The following RIMS1 variants were observed in gnomAD, a reference collection of about 807,000 sequenced individuals.
RIMS1 encodes the protein regulating synaptic membrane exocytosis 1.
Under a neutral mutation model 214.1 loss-of-function variants are expected in RIMS1, and 83 were observed. The observed-to-expected ratio is 0.39, with a 90% CI of 0.32 to 0.47. RIMS1 has a LOEUF of 0.47. Among genes scored for constraint, RIMS1 ranks in the 20% least tolerant of loss-of-function variants. The pLI, the probability that RIMS1 is intolerant of heterozygous loss-of-function variation, is 0.99. For missense variants in RIMS1, 2,050 were observed against 2,161.8 expected (o/e 0.95, Z 1.03); for synonymous variants, 793 against 786.8 (o/e 1.01, Z -0.13).
intron 1 of RIMS1, among the ~76,000 whole-genome samples, chr6:71,961,072 G>A (rs1209831555): frequency 6.6e-6 from 1 of 152,018 alleles, no homozygotes; most frequent in Non-Finnish European, 1.5e-5. Flanking sequence ...AGGTACAGGT[G>A]GGAAAGAAGT....
At chr6:71,910,023 G>A (rs990165905) in intron 1 of RIMS1, among the ~76,000 whole-genome samples, 1 of 152,044 alleles carries the variant, frequency 6.6e-6, no homozygotes, top group African/African-American at 2.4e-5. Flanking sequence ...TGACTGTCTA[G>A]GTCTTTGTTC....
At chr6:72,038,350 G>C (rs1820523829) in intron 2 of RIMS1, among the ~76,000 whole-genome samples, 1 of 151,436 alleles carries the variant, frequency 6.6e-6, no homozygotes, top group Non-Finnish European at 1.5e-5. Context: ...TGTAAACACT[G>C]TCATATCAAA....
intron 4 of RIMS1, among the ~76,000 whole-genome samples, chr6:72,101,459 A>T (rs1024119036): frequency 1.3e-5 from 2 of 151,962 alleles, no homozygotes; most frequent in African/African-American, 4.8e-5. Flanking sequence ...CTGAAGCCAC[A>T]TTTTGTCTTA....
intron 26 of RIMS1, among the ~76,000 whole-genome samples, chr6:72,295,589 G>A (rs569764225): frequency 1.3e-5 from 2 of 151,594 alleles, no homozygotes; most frequent in Non-Finnish European, 3.0e-5. Flanking sequence ...AATCACAATG[G>A]ATTCAAGTTA....
chr6:71,984,773 A>G (rs76587209), intron 2 of RIMS1, among the ~76,000 whole-genome samples: 7,157 of 146,520 alleles, frequency 0.049, 268 homozygotes, highest in East Asian at 0.21. Context: ...ATGTATGTAC[A>G]TATCTATCTA....
At chr6:72,222,923 G>A (rs1169144035) in intron 6 of RIMS1, among the ~76,000 whole-genome samples, 3 of 152,268 alleles carry the variant, frequency 2.0e-5, no homozygotes, top group Middle Eastern at 3.4e-3. Context: ...GTATCACAGT[G>A]TTGAGGGCAC....
At chr6:72,122,993 G>A (rs2038733138) in intron 4 of RIMS1, among the ~76,000 whole-genome samples, 2 of 151,728 alleles carry the variant, frequency 1.3e-5, no homozygotes, top group Admixed American at 6.6e-5. Flanking sequence ...TCAGATCTTA[G>A]TTTTTTCTTG....
intron 2 of RIMS1, among the ~76,000 whole-genome samples, chr6:72,096,248 A>G (rs2031622369): frequency 6.6e-6 from 1 of 152,206 alleles, no homozygotes; most frequent in African/African-American, 2.4e-5. Context: ...CTGCATATCT[A>G]CAAGGTAAGA....
intron 2 of RIMS1, among the ~76,000 whole-genome samples, chr6:72,015,381 T>A (rs1167727982): frequency 6.6e-6 from 1 of 152,222 alleles, no homozygotes; most frequent in Non-Finnish European, 1.5e-5. Context: ...TGATCTTATA[T>A]TCATCACCCT....
intron 29 of RIMS1, among the ~76,000 whole-genome samples, chr6:72,344,640 T>C (rs1050915848): frequency 6.6e-6 from 1 of 151,816 alleles, no homozygotes; most frequent in Non-Finnish European, 1.5e-5. Flanking sequence ...CCAGAAATGA[T>C]TCTCAAGTTG....
intron 27 of RIMS1, among the ~76,000 whole-genome samples, chr6:72,310,757 A>G (rs2095470967): frequency 1.3e-5 from 2 of 152,106 alleles, no homozygotes; most frequent in South Asian, 2.1e-4. Flanking sequence ...TTAACAGATC[A>G]TGCCTGATGA....
intron 29 of RIMS1, among the ~76,000 whole-genome samples, chr6:72,337,050 G>A (rs1226314654): frequency 2.0e-5 from 3 of 151,502 alleles, no homozygotes; most frequent in Non-Finnish European, 3.0e-5. Context: ...AAATAACTTC[G>A]GATTCTCTTA....
chr6:72,018,352 T>C (rs944422890), intron 2 of RIMS1, among the ~76,000 whole-genome samples: 2 of 152,166 alleles, frequency 1.3e-5, no homozygotes, highest in African/African-American at 4.8e-5. Flanking sequence ...AGTTTCCATT[T>C]ACTGAGATGG....
At chr6:72,323,569 A>T (rs1355400970) in intron 28 of RIMS1, among the ~76,000 whole-genome samples, 1 of 151,988 alleles carries the variant, frequency 6.6e-6, no homozygotes, top group East Asian at 1.9e-4. Flanking sequence ...CAGAAATTGG[A>T]GGAGAATATA....
intron 6 of RIMS1, among the ~76,000 whole-genome samples, chr6:72,228,720 G>T (rs557891000): frequency 6.6e-6 from 1 of 151,806 alleles, no homozygotes; most frequent in Non-Finnish European, 1.5e-5. Context: ...TTAATTCTTT[G>T]AGGAAAGTTT....
chr6:72,024,037 C>A (rs1276920885), intron 2 of RIMS1, among the ~76,000 whole-genome samples: 1 of 152,066 alleles, frequency 6.6e-6, no homozygotes, highest in Admixed American at 6.6e-5. Flanking sequence ...GTCTCAATAA[C>A]TTATCACAAA....
chr6:71,906,751 T>A (rs973318344), intron 1 of RIMS1, among the ~76,000 whole-genome samples: 1 of 152,114 alleles, frequency 6.6e-6, no homozygotes, highest in African/African-American at 2.4e-5. Context: ...CCCTCCCAAT[T>A]GTCTTATTTG....
chr6:72,387,700 G>C (rs1009122779), intron 29 of RIMS1, among the ~76,000 whole-genome samples: 3 of 152,234 alleles, frequency 2.0e-5, no homozygotes, highest in Non-Finnish European at 2.9e-5. Context: ...AGGTAGGTAA[G>C]TGGGAACATC....
At chr6:72,059,123 T>C (rs1827153103) in intron 2 of RIMS1, among the ~76,000 whole-genome samples, 1 of 152,220 alleles carries the variant, frequency 6.6e-6, no homozygotes, top group African/African-American at 2.4e-5. Flanking sequence ...CTATATGGTA[T>C]ATACAGAGAA....
Sources: gnomAD v4.1 joint callset for allele counts (sites outside exome capture counted in the v4.1 genomes callset) on GRCh38, gnomAD v4.1.1 for gene constraint, MANE v1.5 for transcripts, NCBI Gene and HGNC (gene_info 2026-07-23, HGNC 2026-07-21) for gene names.